The following UNC79 variants were observed in gnomAD, a reference collection of about 807,000 sequenced individuals.
UNC79 encodes protein unc-79 homolog.
UNC79 carries 37 observed loss-of-function variants against 283.1 expected under a neutral mutation model. The observed-to-expected ratio is 0.13, with a 90% CI of 0.10 to 0.17. The LOEUF (loss-of-function observed/expected upper bound fraction) is 0.17. UNC79 is among the 10% of genes least tolerant of loss of function. The probability of loss-of-function intolerance (pLI) is 1.00; values close to 1 mark genes in which losing one functional copy is unlikely to be tolerated. For synonymous variants in UNC79, 1,107 were observed against 1,200.2 expected (o/e 0.92, Z 1.61); for missense variants, 2,272 against 3,211.1 (o/e 0.71, Z 7.07).
rs78025593 is a variant in UNC79, at chr14:93,419,966, C to G, written c.-350-47705C>G. On this transcript the variant is annotated intron_variant, in intron 1 of 49. Coordinates refer to the UNC79 transcript ENST00000256339. ...AATAACCTAATCACTCTCTATTATT[C>G]ATCCCTTAAAAACTAAAATAAGTAA... Among the ~76,000 whole-genome samples the G allele has an allele frequency of 1.2e-3, 176 of 151,152 alleles. 12 individuals are homozygous for G. In the East Asian group the frequency reaches 0.025, roughly 21 times the overall value.
intron 2 of UNC79, among the ~76,000 whole-genome samples, chr14:93,471,336 C>T (rs754236519): frequency 3.9e-5 from 6 of 152,170 alleles, no homozygotes; most frequent in Non-Finnish European, 8.8e-5. Context: ...CTCAGGGCAA[C>T]TTCTCATCTT....
intron 7 of UNC79, among the ~76,000 whole-genome samples, chr14:93,522,785 A>G (rs1410114722): frequency 6.6e-6 from 1 of 152,086 alleles, no homozygotes; most frequent in Non-Finnish European, 1.5e-5. Flanking sequence ...TTTCAAATAA[A>G]TAGACCTGTT....
chr14:93,373,792 T>C (rs150190728), intron 1 of UNC79, among the ~76,000 whole-genome samples: 6 of 152,068 alleles, frequency 3.9e-5, no homozygotes, highest in Non-Finnish European at 8.8e-5. Flanking sequence ...GACAAAAACA[T>C]TATAAGAAAA....
chr14:93,670,659 A>G (rs1443377598), intron 40 of UNC79, among the ~76,000 whole-genome samples: 2 of 152,196 alleles, frequency 1.3e-5, no homozygotes, highest in Admixed American at 1.3e-4. Context: ...CATTATGTAG[A>G]CATGGTCAAT....
intron 1 of UNC79, among the ~76,000 whole-genome samples, chr14:93,348,605 AT>A (rs1555397460): frequency 2.0e-5 from 3 of 152,130 alleles, no homozygotes; most frequent in African/African-American, 4.8e-5. Flanking sequence ...AAGTACAACC[AT>A]TTCTTTGCCT....
intron 35 of UNC79, among the ~76,000 whole-genome samples, chr14:93,647,066 TG>T (rs979795323): frequency 2.6e-5 from 4 of 152,338 alleles, no homozygotes; most frequent in Admixed American, 2.0e-4. Context: ...CCTGCCGTCA[TG>T]GGGCTTATAG....
intron 37 of UNC79, among the ~76,000 whole-genome samples, chr14:93,654,340 A>G (rs2070669869): frequency 6.6e-6 from 1 of 151,998 alleles, no homozygotes; most frequent in Non-Finnish European, 1.5e-5. Flanking sequence ...AAATAAAAAT[A>G]AAAGAAATTA....
intron 1 of UNC79, among the ~76,000 whole-genome samples, chr14:93,374,288 G>C (rs1335546809): frequency 6.6e-6 from 1 of 152,156 alleles, no homozygotes; most frequent in African/African-American, 2.4e-5. Flanking sequence ...CAGCTATGTG[G>C]GTTGCACCCA....
At chr14:93,595,344 C>T (rs2064998861) in intron 23 of UNC79, among the ~76,000 whole-genome samples, 1 of 152,152 alleles carries the variant, frequency 6.6e-6, no homozygotes, top group Non-Finnish European at 1.5e-5. Context: ...CCCACCTCGA[C>T]CTCCTAAAAT....
intron 1 of UNC79, among the ~76,000 whole-genome samples, chr14:93,365,276 C>A (rs373807435): frequency 5.3e-5 from 8 of 149,966 alleles, no homozygotes; most frequent in Non-Finnish European, 8.9e-5. Flanking sequence ...ATCCCAGCTA[C>A]TTGAAGGCTG....
intron 47 of UNC79, among the ~76,000 whole-genome samples, chr14:93,704,166 G>A (rs2075715821): frequency 6.6e-6 from 1 of 152,180 alleles, no homozygotes; most frequent in Non-Finnish European, 1.5e-5. Flanking sequence ...TCGCAGCCAG[G>A]CATCTTGGAG....
intron 5 of UNC79, 36 bp from the exon 6 acceptor site, chr14:93,496,375 A>T: frequency 7.1e-7 from 1 of 1,410,066 alleles, no homozygotes; most frequent in Non-Finnish European, 9.6e-7. Flanking sequence ...TCTGGTATTT[A>T]CATTTCATGT....
chr14:93,351,876 G>T (rs992717548), intron 1 of UNC79, among the ~76,000 whole-genome samples: 1 of 152,152 alleles, frequency 6.6e-6, no homozygotes, highest in Non-Finnish European at 1.5e-5. Context: ...GCCTCCGACT[G>T]ATTGGATGAG....
At chr14:93,433,838 G>A (rs115294226) in intron 1 of UNC79, among the ~76,000 whole-genome samples, 338 of 152,320 alleles carry the variant, frequency 2.2e-3, no homozygotes, top group African/African-American at 7.8e-3. Context: ...CCTTTGAAAT[G>A]TAATGTATCA....
chr14:93,648,552 G>T (rs1351056518), intron 35 of UNC79, among the ~76,000 whole-genome samples: 2 of 152,110 alleles, frequency 1.3e-5, no homozygotes, highest in Non-Finnish European at 2.9e-5. Flanking sequence ...ATGACTCCTA[G>T]GTTTTGGTTT....
chr14:93,524,052 T>A lies in UNC79; in HGVS notation c.963+10T>A. 6.2e-7 allele frequency: 1 copy of A among 1,614,058 alleles called. No homozygotes were observed. On this transcript the variant is annotated intron_variant, in intron 8 of 48. Transcript: ENST00000555664. The stretch of plus-strand genomic sequence containing the variant: ...CAAACCAGCTGTGAAGGTACTGTTT[T>A]ATTAGACCTGGTGCCATACTGTATT...
chr14:93,683,741 T>A, intron 42 of UNC79, among the ~76,000 whole-genome samples: 1 of 152,202 alleles, frequency 6.6e-6, no homozygotes, highest in South Asian at 2.1e-4. Flanking sequence ...AATAAACCTT[T>A]TACTCTGATA....
At chr14:93,655,948 T>C (rs1028506579) in intron 38 of UNC79, among the ~76,000 whole-genome samples, 1 of 152,158 alleles carries the variant, frequency 6.6e-6, no homozygotes, top group Non-Finnish European at 1.5e-5. Context: ...ATGAGCTCAG[T>C]AAATGCAAAT....
intron 7 of UNC79, 96 bp downstream of exon 7, chr14:93,497,382 A>G: frequency 7.1e-7 from 1 of 1,405,046 alleles, no homozygotes; most frequent in Non-Finnish European, 9.3e-7. Context: ...TTGCTGGATT[A>G]TATTTTCTAT....
Sources: gnomAD v4.1 joint callset for allele counts (sites outside exome capture counted in the v4.1 genomes callset) on GRCh38, gnomAD v4.1.1 for gene constraint, MANE v1.5 for transcripts, NCBI Gene and HGNC (gene_info 2026-07-23, HGNC 2026-07-21) for gene names.